The following ANKRD31 variants were observed in gnomAD, a reference collection of about 807,000 sequenced individuals.
The protein encoded by ANKRD31 is ankyrin repeat domain-containing protein 31.
A neutral mutation model predicts 186.0 loss-of-function variants in ANKRD31; 147 were observed. The observed-to-expected ratio is 0.79, with a 90% CI of 0.69 to 0.91. The LOEUF is 0.91. ANKRD31 is among the 40% of genes least tolerant of loss of function. The probability of loss-of-function intolerance (pLI) is 0.00; values close to 1 mark genes in which losing one functional copy is unlikely to be tolerated. For synonymous variants in ANKRD31, 673 were observed against 736.4 expected, an observed-to-expected ratio of 0.91 and a Z score of 1.39; for missense variants, 1,986 against 2,148.8, an observed-to-expected ratio of 0.92 and a Z score of 1.50.
chr5:75,152,359 T>TG (rs1241801078), intron 12 of ANKRD31, among the ~76,000 whole-genome samples: 1 of 152,092 alleles, frequency 6.6e-6, no homozygotes, highest in Non-Finnish European at 1.5e-5. Flanking sequence ...GCCTAAGTTT[T>TG]GTTCTATTAA....
intron 17 of ANKRD31, among the ~76,000 whole-genome samples, chr5:75,120,371 CA>C (rs199614769): frequency 1.6e-4 from 23 of 145,438 alleles, no homozygotes; most frequent in African/African-American, 3.5e-4. Context: ...TACCTTGTCT[CA>C]AAAAAAAAAA....
chr5:75,122,981 G>C (rs963838901), intron 17 of ANKRD31, among the ~76,000 whole-genome samples: 10 of 152,118 alleles, frequency 6.6e-5, no homozygotes. Context: ...AGTTGGAAAA[G>C]AGGAAGTCAG....
chr5:75,227,747 G>A (rs373164264), intron 2 of ANKRD31, among the ~76,000 whole-genome samples: 8 of 151,986 alleles, frequency 5.3e-5, no homozygotes, highest in Admixed American at 1.3e-4. Flanking sequence ...CCTGGACCAC[G>A]GACCAGTACC....
chr5:75,190,337 A>G (rs1322758623), intron 9 of ANKRD31, among the ~76,000 whole-genome samples: 1 of 152,156 alleles, frequency 6.6e-6, no homozygotes, highest in Non-Finnish European at 1.5e-5. Context: ...GAATTTTTGC[A>G]TCTATATTCA....
At chr5:75,203,844 C>T (rs1755980686) in intron 5 of ANKRD31, among the ~76,000 whole-genome samples, 2 of 152,062 alleles carry the variant, frequency 1.3e-5, no homozygotes, top group Admixed American at 1.3e-4. Flanking sequence ...ATAAACATGA[C>T]TCTTTTTGTT....
chr5:75,142,549 TTC>T (rs779699359), intron 15 of ANKRD31, among the ~76,000 whole-genome samples: 16 of 152,168 alleles, frequency 1.1e-4, no homozygotes, highest in Non-Finnish European at 2.2e-4. Flanking sequence ...CTTGTATAGT[TTC>T]TGTTTCTTCT....
intron 10 of ANKRD31, among the ~76,000 whole-genome samples, chr5:75,180,959 G>C (rs1754238814): frequency 6.6e-6 from 1 of 151,114 alleles, no homozygotes; most frequent in Non-Finnish European, 1.5e-5. Flanking sequence ...TACAAAATGG[G>C]AGAAAATTTT....
At chr5:75,145,663 A>G (rs911752429) in intron 14 of ANKRD31, among the ~76,000 whole-genome samples, 1 of 152,050 alleles carries the variant, frequency 6.6e-6, no homozygotes, top group Non-Finnish European at 1.5e-5. Context: ...GCAAACCACC[A>G]TGGCACATAT....
At chr5:75,212,118 G>C (rs1033339591) in intron 3 of ANKRD31, among the ~76,000 whole-genome samples, 2 of 152,024 alleles carry the variant, frequency 1.3e-5, no homozygotes, top group Non-Finnish European at 2.9e-5. Context: ...TGGCTCTTCT[G>C]TCTTTATCAT....
intron 17 of ANKRD31, among the ~76,000 whole-genome samples, chr5:75,130,294 CAA>C (rs1749669970): frequency 6.6e-6 from 1 of 152,160 alleles, no homozygotes; most frequent in Non-Finnish European, 1.5e-5. Context: ...AGTGCAGACC[CAA>C]AGAGTGAGCA....
At chr5:75,173,526 C>T (rs1221056243) in intron 10 of ANKRD31, among the ~76,000 whole-genome samples, 1 of 152,198 alleles carries the variant, frequency 6.6e-6, no homozygotes, top group African/African-American at 2.4e-5. Flanking sequence ...TAAGCAACTT[C>T]AGCAAAGTCT....
intron 3 of ANKRD31, among the ~76,000 whole-genome samples, chr5:75,211,353 T>C (rs1340806817): frequency 6.6e-6 from 1 of 152,268 alleles, no homozygotes; most frequent in Non-Finnish European, 1.5e-5. Flanking sequence ...AATATTCTAC[T>C]GTATGTATGT....
Position 75,146,433 on chromosome 5 carries a change from A to G in ANKRD31, c.2978T>C (p.Ile993Thr). 1 of 1,536,508 alleles carries G rather than the reference A, an allele frequency of 6.5e-7. No homozygotes were observed. The highest frequency in any genetic ancestry group is 1.4e-5 in the African/African-American group (1 of 73,114). ...TGAGTGATCAAAAGAAGGTCCAAAT[A>G]TGCATTGTTCATAATTTGCAACATG... ...SEHVANYEQC[I>T]FGPSFDHSNG... The change falls in exon 14 of 26, where the codon ATA becomes ACA. Residue 993 changes from isoleucine to threonine, a missense_variant. By Grantham distance (89) the Ile-to-Thr change is moderately conservative. Coordinates refer to ENST00000506364, the MANE Select transcript of ANKRD31 (RefSeq NM_001372053.1).
At chr5:75,155,769 A>C (rs569364144) in intron 11 of ANKRD31, among the ~76,000 whole-genome samples, 1 of 152,252 alleles carries the variant, frequency 6.6e-6, no homozygotes, top group East Asian at 1.9e-4. Flanking sequence ...TTTTATAAGA[A>C]AGCATCCTAG....
intron 10 of ANKRD31, among the ~76,000 whole-genome samples, chr5:75,186,885 C>T (rs1754751191): frequency 6.6e-6 from 1 of 151,992 alleles, no homozygotes; most frequent in Non-Finnish European, 1.5e-5. Flanking sequence ...TTAAATCTTC[C>T]TACTAGAGAT....
rs756864951 is a variant in ANKRD31 at position 75,118,281 on chromosome 5, A to C, written c.3893T>G (p.Leu1298Arg). 14 of 1,501,110 alleles carry C rather than the reference A, an allele frequency of 9.3e-6. No individual in the cohort carries two copies. In the East Asian group the frequency reaches 3.5e-4, roughly 37 times the overall value. The allele number at this position is 1,501,110 out of a possible 1,614,324, so 93.0% of individuals were successfully genotyped here. Residue 1298 changes from leucine to arginine, a missense_variant, in exon 18 of 26, where the codon CTA becomes CGA. Transcript: ENST00000506364. Reference protein sequence around the residue: ...NNHLKAAEILLQNGANPNQKD... With the variant: ...NNHLKAAEILRQNGANPNQKD... ...TTGATTAGGGTTTGCTCCATTTTGT[A>C]GTAGAATCTCAGCTGCCTACAAAGT...
At chr5:75,112,415 C>A (rs1747861095) in intron 20 of ANKRD31, 98 bp downstream of exon 20, 2 of 752,100 alleles carry the variant, frequency 2.7e-6, no homozygotes, top group Non-Finnish European at 2.0e-6. Flanking sequence ...TAGAACACCA[C>A]TTTTTCAGCC....
chr5:75,203,620 G>A (rs149280707), intron 5 of ANKRD31, among the ~76,000 whole-genome samples: 3 of 143,254 alleles, frequency 2.1e-5, no homozygotes, highest in Non-Finnish European at 3.0e-5. Flanking sequence ...CAGAGATTGC[G>A]CCACTGCACT....
At chr5:75,215,535 T>C (rs1411076859) in intron 3 of ANKRD31, among the ~76,000 whole-genome samples, 1 of 152,126 alleles carries the variant, frequency 6.6e-6, no homozygotes, top group Admixed American at 6.6e-5. Flanking sequence ...TGTAAAGAAC[T>C]AGAAAAGGTA....
Sources: gnomAD v4.1 joint callset for allele counts (sites outside exome capture counted in the v4.1 genomes callset) on GRCh38, gnomAD v4.1.1 for gene constraint, MANE v1.5 for transcripts, NCBI Gene and HGNC (gene_info 2026-07-23, HGNC 2026-07-21) for gene names.